CSMD3: variants seen among roughly 807,000 people sequenced by gnomAD.
CSMD3 encodes CUB and Sushi multiple domains 3, also known as CUB and sushi domain-containing protein 3.
CSMD3 carries 177 observed loss-of-function variants against 435.2 expected under a neutral mutation model. The ratio of observed to expected loss-of-function variants is 0.41; its 90% CI spans 0.36 to 0.46. The LOEUF (loss-of-function observed/expected upper bound fraction) is 0.46, where lower values mean the gene tolerates loss of function less well. CSMD3 is among the 20% of genes least tolerant of loss of function. The pLI, the probability that CSMD3 is intolerant of heterozygous loss-of-function variation, is 0.34. For synonymous variants in CSMD3, 1,656 were observed against 1,520.5 expected, an observed-to-expected ratio of 1.09 and a Z score of -2.07; for missense variants, 4,265 against 4,504.6, an observed-to-expected ratio of 0.95 and a Z score of 1.52.
intron 13 of CSMD3, among the ~76,000 whole-genome samples, chr8:112,702,458 C>T (rs898906651): frequency 1.5e-4 from 23 of 152,236 alleles, no homozygotes; most frequent in East Asian, 3.9e-4. Flanking sequence ...ATTTCAGCTA[C>T]GTCTTTTGAA....
At chr8:113,263,159 A>G (rs963818346) in intron 3 of CSMD3, among the ~76,000 whole-genome samples, 19 of 152,018 alleles carry the variant, frequency 1.2e-4, no homozygotes, top group African/African-American at 4.6e-4. Context: ...TCTCTTTGTA[A>G]CACGTGAAAT....
intron 1 of CSMD3, among the ~76,000 whole-genome samples, chr8:113,383,467 A>G (rs1190037491): frequency 6.6e-6 from 1 of 152,148 alleles, no homozygotes; most frequent in Non-Finnish European, 1.5e-5. Context: ...TTTGAAAAAG[A>G]CAGTTGAGGA....
intron 32 of CSMD3, among the ~76,000 whole-genome samples, chr8:112,419,613 A>T (rs1203966263): frequency 2.0e-5 from 3 of 152,190 alleles, no homozygotes; most frequent in African/African-American, 7.2e-5. Flanking sequence ...CTAAATCCAT[A>T]ATATCTACTT....
intron 22 of CSMD3, among the ~76,000 whole-genome samples, chr8:112,600,674 A>G (rs1242608292): frequency 2.6e-5 from 4 of 151,182 alleles, no homozygotes; most frequent in South Asian, 4.2e-4. Context: ...ATATCTCATG[A>G]TTTTTTTTTC....
intron 7 of CSMD3, among the ~76,000 whole-genome samples, chr8:112,960,406 A>T (rs2084183807): frequency 6.6e-6 from 1 of 151,772 alleles, no homozygotes; most frequent in African/African-American, 2.4e-5. Flanking sequence ...CAATCTTCTG[A>T]GAAAACAATA....
intron 16 of CSMD3, 75 bp from the exon 17 acceptor site, chr8:112,666,490 T>C: frequency 7.4e-7 from 1 of 1,342,506 alleles, no homozygotes; most frequent in East Asian, 2.4e-5. Context: ...ATACAAACAA[T>C]TTCAAAAACA....
intron 5 of CSMD3, among the ~76,000 whole-genome samples, chr8:113,079,613 C>T (rs1400308121): frequency 1.3e-5 from 2 of 152,064 alleles, no homozygotes; most frequent in African/African-American, 4.8e-5. Flanking sequence ...CCTCAGTCTT[C>T]TTGTAGAAAC....
intron 4 of CSMD3, among the ~76,000 whole-genome samples, chr8:113,127,388 C>A (rs532927536): frequency 2.0e-5 from 3 of 152,146 alleles, no homozygotes; most frequent in African/African-American, 7.2e-5. Flanking sequence ...AATCAGCCAT[C>A]CTTGCATGTA....
intron 3 of CSMD3, among the ~76,000 whole-genome samples, chr8:113,219,450 A>G (rs897821810): frequency 1.3e-5 from 2 of 151,382 alleles, no homozygotes; most frequent in Non-Finnish European, 3.0e-5. Flanking sequence ...AGATATAAAC[A>G]CTGAGAAATC....
intron 22 of CSMD3, among the ~76,000 whole-genome samples, chr8:112,620,261 TG>T: frequency 6.6e-6 from 1 of 152,150 alleles, no homozygotes; most frequent in African/African-American, 2.4e-5. Context: ...GAAAGACATT[TG>T]GGGGAAATTT....
chr8:112,891,913 GTA>G (rs1480606535), intron 10 of CSMD3, among the ~76,000 whole-genome samples: 4 of 151,532 alleles, frequency 2.6e-5, no homozygotes, highest in Non-Finnish European at 5.9e-5. Flanking sequence ...ACGTGTGTGT[GTA>G]TGTGTGTGTG....
chr8:112,380,610 CA>C (rs1829385897), intron 37 of CSMD3, among the ~76,000 whole-genome samples, 154 bp from the exon 38 acceptor site: 1 of 152,044 alleles, frequency 6.6e-6, no homozygotes, highest in South Asian at 2.1e-4. Flanking sequence ...ATTTTTCTCA[CA>C]ATCCTCTTTC....
chr8:112,453,022 T>C (rs913274952), intron 32 of CSMD3, among the ~76,000 whole-genome samples: 1 of 152,150 alleles, frequency 6.6e-6, no homozygotes, highest in Non-Finnish European at 1.5e-5. Context: ...TTAAATAAAT[T>C]ATATCTCATC....
intron 13 of CSMD3, among the ~76,000 whole-genome samples, chr8:112,734,705 A>AT (rs1359045616): frequency 2.6e-5 from 4 of 151,902 alleles, no homozygotes; most frequent in Non-Finnish European, 4.4e-5. Context: ...AATTCCACTG[A>AT]TTTTTTGCTT....
At chr8:112,549,318 C>G (rs185266573) in intron 27 of CSMD3, among the ~76,000 whole-genome samples, 1 of 151,978 alleles carries the variant, frequency 6.6e-6, no homozygotes, top group South Asian at 2.1e-4. Flanking sequence ...TTTTCTAATT[C>G]GGAGCCATTT....
At chr8:112,923,705 A>C (rs561662144) in intron 9 of CSMD3, among the ~76,000 whole-genome samples, 1 of 152,168 alleles carries the variant, frequency 6.6e-6, no homozygotes, top group Admixed American at 6.5e-5. Context: ...TGCTTCCACT[A>C]AGAAAACCTC....
chr8:113,280,605 C>G (rs2093606594), intron 2 of CSMD3, among the ~76,000 whole-genome samples: 1 of 151,576 alleles, frequency 6.6e-6, no homozygotes, highest in African/African-American at 2.4e-5. Context: ...TTTGAAGGAC[C>G]AGCTTTTTGT....
At chr8:113,399,524 T>C (rs949362397) in intron 1 of CSMD3, among the ~76,000 whole-genome samples, 2 of 150,696 alleles carry the variant, frequency 1.3e-5, no homozygotes, top group Non-Finnish European at 3.0e-5. Context: ...AACGGTTTGC[T>C]AAATGAAAAA....
rs1159249894 is a variant in CSMD3, at chr8:112,224,849, A to G, written c.11046T>C (p.Tyr3682=). Residue 3682 remains tyrosine (Y), a synonymous_variant, in exon 71 of 71, where the codon TAT becomes TAC. Coordinates refer to ENST00000297405, the MANE Select transcript of CSMD3 (RefSeq NM_198123.2). ...CTTCCACTGACTTTGCGTTGGTGTCATACATGGGATTTTCAAAAGCTGCTT... is the reference window on the plus strand; with the variant it reads ...CTTCCACTGACTTTGCGTTGGTGTCGTACATGGGATTTTCAAAAGCTGCTT... ...NGQAAFENPM[Y]DTNAKSVEGK... The G allele has an allele frequency of 1.2e-6, 2 of 1,613,980 alleles. No homozygotes were observed. Among genetic ancestry groups the G allele is most frequent in the Non-Finnish European group, 1.7e-6 (2 of 1,179,962 alleles).
Sources: allele counts gnomAD v4.1 joint callset (sites outside exome capture counted in the v4.1 genomes callset), GRCh38; gene constraint gnomAD v4.1.1; transcripts MANE v1.5; gene names NCBI Gene and HGNC (gene_info 2026-07-23, HGNC 2026-07-21).